Variants in SORL1 observed in about 807,000 individuals in gnomAD.
SORL1 encodes the protein sortilin-related receptor.
A neutral mutation model predicts 273.7 loss-of-function variants in SORL1; 127 were observed. The ratio of observed to expected loss-of-function variants is 0.46; its 90% CI spans 0.40 to 0.54. The LOEUF is 0.54. Among genes scored for constraint, SORL1 ranks in the 20% least tolerant of loss-of-function variants. The pLI, the probability that SORL1 is intolerant of heterozygous loss-of-function variation, is 0.00. For synonymous variants in SORL1, 1,031 were observed against 1,067.4 expected, an observed-to-expected ratio of 0.97 and a Z score of 0.66; for missense variants, 2,494 against 2,846.1, an observed-to-expected ratio of 0.88 and a Z score of 2.81.
Position 121,577,412 on chromosome 11 carries a change from C to G in SORL1, c.3580+12C>G, listed in dbSNP as rs779486454. On this transcript the variant is annotated intron_variant, in intron 25 of 47. Transcript: ENST00000260197. ...AGCCAACTGTACCGGTCAGTACTTC[C>G]TGGACTCAGTTGACAGCACTCATCC... The G allele has an allele frequency of 1.9e-6, 3 of 1,578,654 alleles. No homozygotes were observed. The highest frequency in any genetic ancestry group is 2.6e-6 in the Non-Finnish European group (3 of 1,162,928).
chr11:121,457,113 G>C (rs547070897), intron 1 of SORL1, among the ~76,000 whole-genome samples: 1 of 152,166 alleles, frequency 6.6e-6, no homozygotes, highest in African/African-American at 2.4e-5. Context: ...TCCACTTGGC[G>C]TCTTTTCTTA....
At chr11:121,611,948 C>G (rs1255307237) in intron 39 of SORL1, 1 of 152,288 alleles carries the variant, frequency 6.6e-6, no homozygotes, top group South Asian at 2.1e-4. Flanking sequence ...CGAGACCAGC[C>G]TGGCCAACAT....
chr11:121,533,991 A>G (rs1862235659), intron 12 of SORL1, among the ~76,000 whole-genome samples: 1 of 152,214 alleles, frequency 6.6e-6, no homozygotes, highest in Non-Finnish European at 1.5e-5. Flanking sequence ...GCTATCATTT[A>G]TATACCCATT....
chr11:121,535,276 T>A (rs1363171622), intron 12 of SORL1, among the ~76,000 whole-genome samples: 1 of 152,234 alleles, frequency 6.6e-6, no homozygotes, highest in Non-Finnish European at 1.5e-5. Context: ...GATGACCTAA[T>A]CTACTTTCCT....
chr11:121,586,731 T>A (rs1863121557), intron 27 of SORL1, among the ~76,000 whole-genome samples: 1 of 147,038 alleles, frequency 6.8e-6, no homozygotes, highest in African/African-American at 2.5e-5. Context: ...TTAGGCCAGA[T>A]GACCCTTTTT....
rs12285490 is a variant in SORL1, at chr11:121,492,703, C to T, written c.758+2593C>T. Among the ~76,000 whole-genome samples, 629 of 152,164 alleles carry T rather than the reference C, an allele frequency of 4.1e-3. 8 individuals carry two copies. The highest frequency in any genetic ancestry group is 0.014 in the African/African-American group (576 of 41,518). On this transcript the variant is annotated intron_variant, in intron 5 of 47. Coordinates refer to ENST00000260197, the MANE Select transcript of SORL1 (RefSeq NM_003105.6). ...TCATCTCAACAATATAGAATAGTGT[C>T]TCCCTCCACAGCCAATGTGTTAGGG... is the stretch of plus-strand genomic sequence containing the variant.
chr11:121,468,393 T>C lies in SORL1; in HGVS notation c.286-1614T>C, dbSNP rs149050690. Among the ~76,000 whole-genome samples the C allele has an allele frequency of 4.0e-3, 609 of 152,174 alleles. 7 individuals are homozygous for C. Among genetic ancestry groups the C allele is most frequent in the African/African-American group, 0.013 (543 of 41,516 alleles). ...AGCCTGTGATCCTGGTTTCATGGCATTGTCCTGCTTCTGAGTGTTGGACCA... is the reference window on the plus strand; with the variant it reads ...AGCCTGTGATCCTGGTTTCATGGCACTGTCCTGCTTCTGAGTGTTGGACCA... On this transcript the variant is annotated intron_variant, in intron 1 of 47. Transcript: ENST00000260197.
chr11:121,478,682 C>G (rs1478247589), intron 3 of SORL1, among the ~76,000 whole-genome samples: 2 of 150,934 alleles, frequency 1.3e-5, no homozygotes, highest in African/African-American at 4.9e-5. Context: ...GTGTGAGTAC[C>G]TGTGTGCGTG....
intron 37 of SORL1, 30 bp downstream of exon 37, chr11:121,607,320 A>T: frequency 7.6e-7 from 1 of 1,308,914 alleles, no homozygotes; most frequent in Non-Finnish European, 1.1e-6. Flanking sequence ...CCAGCCATCC[A>T]TGCAGTCTTA....
chr11:121,590,937 ATATTTGGTC>A, intron 30 of SORL1, 55 bp from the exon 31 acceptor site: 2 of 1,586,306 alleles, frequency 1.3e-6, no homozygotes, highest in Non-Finnish European at 1.7e-6. Context: ...GGTTTGGGAC[ATATTTGGTC>A]TAAGATCAAG....
At chr11:121,520,607 A>G (rs1464347514) in intron 8 of SORL1, 50 bp from the exon 9 acceptor site, 2 of 1,294,456 alleles carry the variant, frequency 1.5e-6, no homozygotes, top group Non-Finnish European at 2.1e-6. Context: ...TATTTACAAT[A>G]ACAAGCAAAT....
chr11:121,606,764 T>A (rs957363793), intron 35 of SORL1, 81 bp from the exon 36 acceptor site: 7 of 888,742 alleles, frequency 7.9e-6, no homozygotes, highest in Non-Finnish European at 1.3e-5. Context: ...GTCGTTCTTG[T>A]CCTTGTTCTA....
chr11:121,547,274 TC>T (rs1862440993), intron 14 of SORL1, among the ~76,000 whole-genome samples: 1 of 149,784 alleles, frequency 6.7e-6, no homozygotes, highest in African/African-American at 2.5e-5. Flanking sequence ...AATATGTACT[TC>T]AAAATAAAAT....
At chr11:121,589,148 A>G (rs1863168088) in intron 28 of SORL1, 111 bp from the exon 29 acceptor site, 4 of 1,205,772 alleles carry the variant, frequency 3.3e-6, no homozygotes, top group Non-Finnish European at 4.9e-6. Flanking sequence ...TTAGCCAGAC[A>G]GTCCTTTGCC....
chr11:121,515,272 G>A (rs1467308983), intron 8 of SORL1, among the ~76,000 whole-genome samples: 2 of 152,228 alleles, frequency 1.3e-5, no homozygotes, highest in Non-Finnish European at 2.9e-5. Context: ...TAGAATATAA[G>A]CAAATATGTG....
chr11:121,619,505 G>T (rs912854883), intron 42 of SORL1, among the ~76,000 whole-genome samples: 1 of 152,118 alleles, frequency 6.6e-6, no homozygotes, highest in African/African-American at 2.4e-5. Flanking sequence ...ATATGTGTAA[G>T]GATACACGTA....
At position 121,629,371 on chromosome 11, in the gene SORL1, G is replaced by A. The variant is rs1443382787; in HGVS notation, c.6578-125G>A. The A allele has an allele frequency of 6.3e-6, 4 of 636,452 alleles. No homozygotes were observed. In the African/African-American group the frequency reaches 7.2e-5, roughly 12 times the overall value. 39.4% of individuals were successfully genotyped at this position (636,452 alleles called of 1,614,324 possible). ...TCACAGCTGATTATGGTGGCTGCCT[G>A]GCTATGGCATTGACCTTCTCAGCTA... On this transcript the variant is annotated intron_variant, in intron 47 of 47. Transcript: ENST00000260197.
At chr11:121,628,782 C>T (rs1863834640) in intron 47 of SORL1, 1 of 152,200 alleles carries the variant, frequency 6.6e-6, no homozygotes, top group African/African-American at 2.4e-5. Context: ...TAACTAGTTA[C>T]AATTATATAT....
intron 21 of SORL1, among the ~76,000 whole-genome samples, chr11:121,561,985 C>T (rs188228365): frequency 2.0e-5 from 3 of 152,256 alleles, no homozygotes; most frequent in East Asian, 3.9e-4. Context: ...TCAGCACTGT[C>T]TATGAGCACT....
Sources: gnomAD v4.1 joint callset for allele counts (sites outside exome capture counted in the v4.1 genomes callset) on GRCh38, gnomAD v4.1.1 for gene constraint, MANE v1.5 for transcripts, NCBI Gene and HGNC (gene_info 2026-07-23, HGNC 2026-07-21) for gene names.